The following NRG3 variants were observed in gnomAD, a reference collection of about 807,000 sequenced individuals.
The protein encoded by NRG3 is pro-neuregulin-3, membrane-bound isoform.
Under a neutral mutation model 66.9 loss-of-function variants are expected in NRG3, and 31 were observed. The observed-to-expected ratio is 0.46, with a 90% CI of 0.35 to 0.63. The LOEUF is 0.63. NRG3 is among the 20% of genes least tolerant of loss of function. NRG3 has a pLI of 0.00. For missense variants in NRG3, 910 were observed against 878.9 expected (o/e 1.04, Z -0.45); for synonymous variants, 393 against 359.4 (o/e 1.09, Z -1.06).
At chr10:82,007,859 A>T (rs2061431920) in intron 1 of NRG3, among the ~76,000 whole-genome samples, 1 of 152,300 alleles carries the variant, frequency 6.6e-6, no homozygotes, top group African/African-American at 2.4e-5. Flanking sequence ...TAACAATGGG[A>T]ACCATAAACA....
At chr10:81,893,829 G>A (rs1033820927) in intron 1 of NRG3, among the ~76,000 whole-genome samples, 10 of 152,138 alleles carry the variant, frequency 6.6e-5, no homozygotes, top group African/African-American at 1.4e-4. Context: ...GGGCTTCACC[G>A]CAGGCAGTGA....
chr10:82,201,106 A>G (rs1304065257), intron 1 of NRG3, among the ~76,000 whole-genome samples: 4 of 150,238 alleles, frequency 2.7e-5, no homozygotes, highest in South Asian at 2.1e-4. Flanking sequence ...CTGAGGCAGG[A>G]GAAATCACTT....
At chr10:82,184,332 A>G (rs1053614518) in intron 1 of NRG3, among the ~76,000 whole-genome samples, 5 of 152,128 alleles carry the variant, frequency 3.3e-5, no homozygotes, top group African/African-American at 1.2e-4. Context: ...ACATCCTTCC[A>G]TCTACTTACA....
At chr10:82,162,561 G>A (rs2071681921) in intron 1 of NRG3, among the ~76,000 whole-genome samples, 1 of 152,078 alleles carries the variant, frequency 6.6e-6, no homozygotes, top group Non-Finnish European at 1.5e-5. Context: ...AAAGACAAGG[G>A]CAAGAGAAGT....
intron 2 of NRG3, among the ~76,000 whole-genome samples, chr10:82,717,985 C>T (rs2134464993): frequency 6.6e-6 from 1 of 152,250 alleles, no homozygotes; most frequent in African/African-American, 2.4e-5. Flanking sequence ...AACCACCACA[C>T]CCTCTTCCCG....
intron 2 of NRG3, among the ~76,000 whole-genome samples, chr10:82,645,983 G>A (rs2050901504): frequency 6.6e-6 from 1 of 152,076 alleles, no homozygotes; most frequent in South Asian, 2.1e-4. Flanking sequence ...ATAGAGTCAG[G>A]GATTAACGTC....
chr10:82,549,137 G>A (rs1456917131), intron 2 of NRG3, among the ~76,000 whole-genome samples: 3 of 152,070 alleles, frequency 2.0e-5, no homozygotes, highest in Non-Finnish European at 4.4e-5. Context: ...TCTGTAAACT[G>A]ACTAATAACA....
At chr10:82,535,372 A>G (rs979076204) in intron 2 of NRG3, among the ~76,000 whole-genome samples, 16 of 152,124 alleles carry the variant, frequency 1.1e-4, no homozygotes, top group African/African-American at 3.6e-4. Flanking sequence ...CACTTTATTT[A>G]CGGAGCATCT....
intron 1 of NRG3, among the ~76,000 whole-genome samples, chr10:82,196,177 C>T (rs1412564208): frequency 3.9e-5 from 6 of 152,086 alleles, no homozygotes; most frequent in Middle Eastern, 3.2e-3. Context: ...GAAAACATGG[C>T]GGGATTCATA....
chr10:82,090,865 C>T (rs769099020), intron 1 of NRG3, among the ~76,000 whole-genome samples: 1 of 152,140 alleles, frequency 6.6e-6, no homozygotes, highest in Non-Finnish European at 1.5e-5. Context: ...TTTGTTTGTA[C>T]ACTTACATTA....
chr10:82,324,931 CT>C (rs1199580030), intron 1 of NRG3, among the ~76,000 whole-genome samples: 1 of 152,120 alleles, frequency 6.6e-6, no homozygotes, highest in Non-Finnish European at 1.5e-5. Context: ...AGTTGGTTGA[CT>C]TTTGTTCAAG....
chr10:82,632,560 C>A (rs1052781336), intron 2 of NRG3, among the ~76,000 whole-genome samples: 2 of 152,058 alleles, frequency 1.3e-5, no homozygotes, highest in African/African-American at 4.8e-5. Flanking sequence ...TTTATTACAA[C>A]TCATTATCGT....
chr10:82,759,655 C>A (rs1377927447), intron 3 of NRG3, among the ~76,000 whole-genome samples: 1 of 152,100 alleles, frequency 6.6e-6, no homozygotes, highest in Admixed American at 6.6e-5. Flanking sequence ...GTGAGAGCAC[C>A]AGTGGTGATA....
chr10:82,417,176 C>T (rs946068557), intron 2 of NRG3, among the ~76,000 whole-genome samples: 4 of 152,026 alleles, frequency 2.6e-5, no homozygotes, highest in Non-Finnish European at 4.4e-5. Context: ...TGGATTTCTC[C>T]AAAATTAAAG....
At chr10:82,046,216 C>T in intron 1 of NRG3, among the ~76,000 whole-genome samples, 1 of 145,664 alleles carries the variant, frequency 6.9e-6, no homozygotes, top group Non-Finnish European at 1.5e-5. Context: ...AATGTTCTTC[C>T]ATTTCTTTGT....
At chr10:82,326,899 T>G (rs1159195289) in intron 1 of NRG3, among the ~76,000 whole-genome samples, 1 of 152,148 alleles carries the variant, frequency 6.6e-6, no homozygotes, top group African/African-American at 2.4e-5. Flanking sequence ...TAATTACAAA[T>G]TAGCTATGTC....
chr10:82,514,440 G>T (rs1845469539), intron 2 of NRG3, among the ~76,000 whole-genome samples: 1 of 152,104 alleles, frequency 6.6e-6, no homozygotes, highest in Non-Finnish European at 1.5e-5. Flanking sequence ...TATAAATAGG[G>T]ACTATTTTCC....
At chr10:82,261,314 C>G (rs1225974526) in intron 1 of NRG3, among the ~76,000 whole-genome samples, 1 of 152,170 alleles carries the variant, frequency 6.6e-6, no homozygotes, top group East Asian at 1.9e-4. Flanking sequence ...TGAAGAAGGT[C>G]AGTGCCTGCT....
intron 1 of NRG3, among the ~76,000 whole-genome samples, chr10:82,041,685 C>A (rs2063044550): frequency 6.6e-6 from 1 of 151,880 alleles, no homozygotes; most frequent in African/African-American, 2.4e-5. Flanking sequence ...CTGAGTAGAC[C>A]AGGAGGTGTA....
Sources: allele counts gnomAD v4.1 joint callset (sites outside exome capture counted in the v4.1 genomes callset), GRCh38; gene constraint gnomAD v4.1.1; transcripts MANE v1.5; gene names NCBI Gene and HGNC (gene_info 2026-07-23, HGNC 2026-07-21).